The following SLC17A8 variants were observed in gnomAD, a reference collection of about 807,000 sequenced individuals.
The protein encoded by SLC17A8 is vesicular glutamate transporter 3.
Under a neutral mutation model 58.0 loss-of-function variants are expected in SLC17A8, and 31 were observed. The observed-to-expected ratio is 0.53, with a 90% CI of 0.40 to 0.72. SLC17A8 has a LOEUF of 0.72. Among genes scored for constraint, SLC17A8 ranks in the 30% least tolerant of loss-of-function variants. The probability of loss-of-function intolerance (pLI) is 0.00; values close to 1 mark genes in which losing one functional copy is unlikely to be tolerated. For synonymous variants in SLC17A8, 228 were observed against 249.0 expected, an observed-to-expected ratio of 0.92 and a Z score of 0.79; for missense variants, 655 against 727.8, an observed-to-expected ratio of 0.90 and a Z score of 1.15.
intron 2 of SLC17A8, among the ~76,000 whole-genome samples, chr12:100,384,220 T>G (rs142462526): frequency 1.9e-3 from 297 of 152,326 alleles, no homozygotes; most frequent in African/African-American, 6.9e-3. Flanking sequence ...TAATGAGCTC[T>G]GGGACCTTGA....
At chr12:100,399,431 T>A (rs1952775463) in intron 5 of SLC17A8, among the ~76,000 whole-genome samples, 1 of 152,138 alleles carries the variant, frequency 6.6e-6, no homozygotes, top group African/African-American at 2.4e-5. Context: ...TTAGTCTGTT[T>A]TCACATAACT....
At chr12:100,393,504 A>G (rs367653509) in intron 4 of SLC17A8, 21 bp downstream of exon 4, 55 of 1,546,414 alleles carry the variant, frequency 3.6e-5, no homozygotes, top group Non-Finnish European at 4.8e-5. Context: ...CTTTCCTTAC[A>G]GTTTTTGATA....
At chr12:100,369,769 A>G (rs151015951) in intron 1 of SLC17A8, among the ~76,000 whole-genome samples, 52 of 152,378 alleles carry the variant, frequency 3.4e-4, no homozygotes, top group African/African-American at 1.2e-3. Flanking sequence ...GCTATAAATG[A>G]TGGTTGTCTG....
At chr12:100,393,158 T>C (rs1293986118) in intron 3 of SLC17A8, among the ~76,000 whole-genome samples, 1 of 152,138 alleles carries the variant, frequency 6.6e-6, no homozygotes, top group African/African-American at 2.4e-5. Context: ...AGAGATGGGG[T>C]TCACCATGTT....
At chr12:100,387,102 C>T (rs959358625) in intron 2 of SLC17A8, among the ~76,000 whole-genome samples, 2 of 152,176 alleles carry the variant, frequency 1.3e-5, no homozygotes, top group African/African-American at 4.8e-5. Flanking sequence ...ATCATGATTT[C>T]AACTCTTTTG....
At chr12:100,372,856 C>T (rs904481233) in intron 1 of SLC17A8, among the ~76,000 whole-genome samples, 6 of 152,184 alleles carry the variant, frequency 3.9e-5, no homozygotes, top group Admixed American at 3.9e-4. Context: ...TGAGCCACCA[C>T]GCCCAGCCAG....
chr12:100,391,637 C>T (rs999886344), intron 3 of SLC17A8, among the ~76,000 whole-genome samples: 1 of 152,062 alleles, frequency 6.6e-6, no homozygotes, highest in Non-Finnish European at 1.5e-5. Context: ...GTTTTTCATC[C>T]AATTAAATTT....
At chr12:100,367,014 T>C (rs778229055) in intron 1 of SLC17A8, among the ~76,000 whole-genome samples, 4 of 152,182 alleles carry the variant, frequency 2.6e-5, no homozygotes, top group Non-Finnish European at 4.4e-5. Flanking sequence ...TGAGCATCAG[T>C]GGTGCCTGTG....
chr12:100,364,006 C>A (rs1234323909), intron 1 of SLC17A8, among the ~76,000 whole-genome samples: 1 of 145,544 alleles, frequency 6.9e-6, no homozygotes, highest in Non-Finnish European at 1.5e-5. Context: ...TGAGATAGAG[C>A]CACTGCACTC....
At chr12:100,389,506 T>C (rs1952698468) in intron 2 of SLC17A8, among the ~76,000 whole-genome samples, 1 of 152,132 alleles carries the variant, frequency 6.6e-6, no homozygotes, top group Admixed American at 6.6e-5. Context: ...TTTTGTTTTA[T>C]TCACAAGCTA....
chr12:100,414,238 T>G (rs116799923), intron 10 of SLC17A8, among the ~76,000 whole-genome samples: 97 of 152,310 alleles, frequency 6.4e-4, no homozygotes, highest in African/African-American at 2.3e-3. Flanking sequence ...GCCTTAAATA[T>G]CAAACAGTGT....
chr12:100,382,967 C>T (rs1952647752), intron 2 of SLC17A8, among the ~76,000 whole-genome samples: 1 of 152,144 alleles, frequency 6.6e-6, no homozygotes, highest in African/African-American at 2.4e-5. Flanking sequence ...CTATTTGATG[C>T]CACAGCCAAA....
At chr12:100,390,228 G>A (rs1952705660) in intron 2 of SLC17A8, among the ~76,000 whole-genome samples, 4 of 152,048 alleles carry the variant, frequency 2.6e-5, no homozygotes. Flanking sequence ...GCCTTCCAAA[G>A]CATTGGGATT....
chr12:100,390,483 A>C (rs1185947582), intron 2 of SLC17A8, among the ~76,000 whole-genome samples: 1 of 151,602 alleles, frequency 6.6e-6, no homozygotes, highest in Non-Finnish European at 1.5e-5. Flanking sequence ...AGTAGCTGGG[A>C]GTACAGGTGC....
At chr12:100,413,921 G>A (rs1157232528) in intron 10 of SLC17A8, among the ~76,000 whole-genome samples, 1 of 152,064 alleles carries the variant, frequency 6.6e-6, no homozygotes, top group African/African-American at 2.4e-5. Context: ...AGGTTGCGGT[G>A]AGCTGAGTTC....
chr12:100,368,794 G>A (rs2135973728), intron 1 of SLC17A8, among the ~76,000 whole-genome samples: 1 of 152,218 alleles, frequency 6.6e-6, no homozygotes, highest in Middle Eastern at 3.4e-3. Flanking sequence ...AGGTTAGTAA[G>A]GCCTATAGAT....
At chr12:100,417,909 C>T (rs1212248356) in intron 10 of SLC17A8, 120 bp from the exon 11 acceptor site, 21 of 1,241,816 alleles carry the variant, frequency 1.7e-5, no homozygotes, top group Non-Finnish European at 2.2e-5. Flanking sequence ...GGTCTGGAAA[C>T]TAGTCATATA....
Position 100,419,028 on chromosome 12 carries a change from T to C in SLC17A8, c.1426-787T>C, listed in dbSNP as rs535016382. Among the ~76,000 whole-genome samples, 5 of 152,324 alleles carry C rather than the reference T, an allele frequency of 3.3e-5. No homozygotes were observed. In the East Asian group the frequency reaches 9.6e-4, roughly 29 times the overall value. ...TTCCCATTATTTTTTGACATACTTTTTTTTACACTGAAAATATTATAAAGT... is the reference window on the plus strand; with the variant it reads ...TTCCCATTATTTTTTGACATACTTTCTTTTACACTGAAAATATTATAAAGT... On this transcript the variant is annotated intron_variant, in intron 11 of 11. Transcript: ENST00000323346.
chr12:100,414,964 C>T (rs778091265), intron 10 of SLC17A8, among the ~76,000 whole-genome samples: 18 of 152,298 alleles, frequency 1.2e-4, no homozygotes, highest in Admixed American at 2.0e-4. Flanking sequence ...AGAGCAATCA[C>T]GATTTGCTTC....
Sources: gnomAD v4.1 joint callset for allele counts (sites outside exome capture counted in the v4.1 genomes callset) on GRCh38, gnomAD v4.1.1 for gene constraint, MANE v1.5 for transcripts, NCBI Gene and HGNC (gene_info 2026-07-23, HGNC 2026-07-21) for gene names.